DLGAP2: variants seen among roughly 807,000 people sequenced by gnomAD.
DLGAP2 encodes the protein DLG associated protein 2, also known as disks large-associated protein 2.
A neutral mutation model predicts 100.3 loss-of-function variants in DLGAP2; 26 were observed. The observed-to-expected ratio is 0.26, with a 90% CI of 0.19 to 0.36. The LOEUF (loss-of-function observed/expected upper bound fraction) is 0.36, where lower values mean the gene tolerates loss of function less well. DLGAP2 is among the 10% of genes least tolerant of loss of function. The pLI is 1.00. For missense variants in DLGAP2, 1,858 were observed against 1,453.2 expected, an observed-to-expected ratio of 1.28 and a Z score of -4.53; for synonymous variants, 886 against 630.1, an observed-to-expected ratio of 1.41 and a Z score of -6.08.
intron 3 of DLGAP2, among the ~76,000 whole-genome samples, chr8:1,365,806 A>T (rs1202396078): frequency 6.6e-6 from 1 of 152,224 alleles, no homozygotes; most frequent in Non-Finnish European, 1.5e-5. Flanking sequence ...GAGCTGTGCC[A>T]TGTCTCATGT....
Position 1,481,471 on chromosome 8 carries a change from C to CTTTTTTTTTTT in DLGAP2, c.107-19881_107-19871dup, listed in dbSNP as rs1165790168. ...GGATTTTCTTTTTCTTTTTCTTTTT[C>CTTTTTTTTTTT]TTTTTTTTTTTTTTTTTTTTTTTTG... On this transcript the variant is annotated intron_variant, in intron 3 of 14. Coordinates refer to ENST00000637795, the MANE Select transcript of DLGAP2 (RefSeq NM_001346810.2). 2.3e-4 allele frequency among the ~76,000 whole-genome samples: 10 copies of CTTTTTTTTTTT among 43,666 alleles called. 1 individual carries two copies. Among genetic ancestry groups the CTTTTTTTTTTT allele is most frequent in the Admixed American group, 3.8e-4 (1 of 2,610 alleles). The allele number at this position is 43,666 out of a possible 152,430, so 28.6% of individuals were successfully genotyped here.
At chr8:1,185,368 G>A (rs572023329) in intron 2 of DLGAP2, among the ~76,000 whole-genome samples, 1 of 152,078 alleles carries the variant, frequency 6.6e-6, no homozygotes, top group South Asian at 2.1e-4. Context: ...GTTGTCTCCA[G>A]GGCACTTTCA....
chr8:1,577,332 G>A (rs1815512252), intron 6 of DLGAP2, among the ~76,000 whole-genome samples: 2 of 151,888 alleles, frequency 1.3e-5, no homozygotes, highest in Admixed American at 6.6e-5. Context: ...ACTTTGGGAG[G>A]CCAAGGTGGG....
chr8:1,089,715 A>C (rs946378696), intron 2 of DLGAP2, among the ~76,000 whole-genome samples: 1 of 152,256 alleles, frequency 6.6e-6, no homozygotes, highest in African/African-American at 2.4e-5. Context: ...TTATCATGGC[A>C]GTTTAAAGGA....
At chr8:1,201,587 C>T (rs769272402) in intron 2 of DLGAP2, among the ~76,000 whole-genome samples, 16 of 152,172 alleles carry the variant, frequency 1.1e-4, no homozygotes, top group Non-Finnish European at 1.6e-4. Context: ...GTGTGGTCAC[C>T]GGCACGGCAG....
chr8:1,545,373 A>G (rs575114182), intron 4 of DLGAP2, among the ~76,000 whole-genome samples: 1 of 152,326 alleles, frequency 6.6e-6, no homozygotes, highest in Non-Finnish European at 1.5e-5. Flanking sequence ...CGGCCGCCCC[A>G]TAAGTGCAAC....
chr8:1,287,157 TGCGC>T (rs1259394109), intron 3 of DLGAP2, among the ~76,000 whole-genome samples: 8 of 99,420 alleles, frequency 8.0e-5, no homozygotes, highest in South Asian at 4.7e-4. Context: ...TGTGTGTGTG[TGCGC>T]GCGCGCGCGT....
chr8:1,132,931 G>T (rs34650047), intron 2 of DLGAP2, among the ~76,000 whole-genome samples: 24 of 152,248 alleles, frequency 1.6e-4, no homozygotes, highest in Admixed American at 6.5e-5. Context: ...ATGTTAACTC[G>T]CTAGAAAGAC....
intron 3 of DLGAP2, among the ~76,000 whole-genome samples, chr8:1,360,117 G>T (rs1464143571): frequency 6.6e-6 from 1 of 151,936 alleles, no homozygotes; most frequent in Non-Finnish European, 1.5e-5. Context: ...AGGAGAGCGG[G>T]TTGCAGGGAC....
chr8:1,483,718 G>A (rs1032540978), intron 3 of DLGAP2, among the ~76,000 whole-genome samples: 2 of 150,744 alleles, frequency 1.3e-5, no homozygotes, highest in African/African-American at 4.9e-5. Context: ...AGGACGTGGG[G>A]ACCAGGAAGG....
chr8:822,572 G>C (rs1796603463), intron 1 of DLGAP2, among the ~76,000 whole-genome samples: 1 of 152,258 alleles, frequency 6.6e-6, no homozygotes, highest in African/African-American at 2.4e-5. Flanking sequence ...CCACGTCACT[G>C]CGTGTGCTCC....
chr8:1,699,485 G>T (rs972938677), intron 14 of DLGAP2, among the ~76,000 whole-genome samples: 1 of 151,814 alleles, frequency 6.6e-6, no homozygotes, highest in Admixed American at 6.6e-5. Flanking sequence ...GTGGTGGTGG[G>T]CGCCTGTAGT....
intron 2 of DLGAP2, among the ~76,000 whole-genome samples, chr8:1,181,210 C>T (rs1250389455): frequency 6.8e-6 from 1 of 146,622 alleles, no homozygotes; most frequent in Non-Finnish European, 1.5e-5. Flanking sequence ...AGTACACTTA[C>T]TGTCGAGTGT....
intron 8 of DLGAP2, among the ~76,000 whole-genome samples, chr8:1,656,247 T>C (rs1032424378): frequency 6.6e-6 from 1 of 151,964 alleles, no homozygotes; most frequent in African/African-American, 2.4e-5. Flanking sequence ...GAGGCGGAGA[T>C]TGCAGTGAGC....
intron 3 of DLGAP2, among the ~76,000 whole-genome samples, chr8:1,466,691 G>T (rs1424438939): frequency 1.3e-5 from 2 of 152,142 alleles, no homozygotes; most frequent in Non-Finnish European, 2.9e-5. Flanking sequence ...GCATTTCTCT[G>T]TTAGATACAG....
intron 3 of DLGAP2, among the ~76,000 whole-genome samples, chr8:1,476,304 A>T (rs1048499486): frequency 4.6e-5 from 7 of 152,180 alleles, no homozygotes; most frequent in Non-Finnish European, 8.8e-5. Context: ...ATTTACACAT[A>T]CATCTACGTG....
At position 1,010,113 on chromosome 8, in the gene DLGAP2, ATATCT is replaced by A. The variant is rs747012881; in HGVS notation, c.73+102150_73+102154del. On this transcript the variant is annotated intron_variant, in intron 2 of 14. Transcript: ENST00000637795. ...CTTCAACAAACTAAAGATTTTTAAA[ATATCT>A]TAATTAATCACAAGCTACTTAACTA... 2.6e-5 allele frequency among the ~76,000 whole-genome samples: 4 copies of A among 152,262 alleles called. No homozygotes were observed. In the East Asian group the frequency reaches 5.8e-4, roughly 22 times the overall value.
At chr8:1,258,986 C>T (rs893699661) in intron 3 of DLGAP2, 103 bp downstream of exon 3, 8 of 984,658 alleles carry the variant, frequency 8.1e-6, no homozygotes, top group African/African-American at 1.7e-5. Context: ...GAACCTTGAA[C>T]ATTGAGGACG....
At chr8:1,515,606 G>T (rs60989109) in intron 4 of DLGAP2, among the ~76,000 whole-genome samples, 1 of 150,878 alleles carries the variant, frequency 6.6e-6, no homozygotes, top group Non-Finnish European at 1.5e-5. Context: ...GCAGACACAC[G>T]TGCATGCACA....
Sources: allele counts gnomAD v4.1 joint callset (sites outside exome capture counted in the v4.1 genomes callset), GRCh38; gene constraint gnomAD v4.1.1; transcripts MANE v1.5; gene names NCBI Gene and HGNC (gene_info 2026-07-23, HGNC 2026-07-21).